The following ODF2 variants were observed in gnomAD, a reference collection of about 807,000 sequenced individuals.
The protein encoded by ODF2 is outer dense fiber protein 2.
A neutral mutation model predicts 110.2 loss-of-function variants in ODF2; 47 were observed. That is an observed-to-expected ratio of 0.43 (90% CI 0.34 to 0.54). The LOEUF is 0.54. ODF2 is among the 20% of genes least tolerant of loss of function. The pLI is 0.03. For missense variants in ODF2, 812 were observed against 1,054.5 expected (o/e 0.77, Z 3.19); for synonymous variants, 352 against 397.7 (o/e 0.89, Z 1.37).
exon 1 of ODF2, chr9:128,456,175 G>C: frequency 6.5e-7 from 1 of 1,549,392 alleles, no homozygotes; most frequent in Non-Finnish European, 8.7e-7. Flanking sequence ...ATCCGCCGCG[G>C]CGTCTCCATG....
chr9:128,473,535 A>C, intron 7 of ODF2, 75 bp from the exon 8 acceptor site: 1 of 1,581,392 alleles, frequency 6.3e-7, no homozygotes, highest in Non-Finnish European at 8.6e-7. Context: ...CTGGCACCAG[A>C]CCTCTTGAGT....
chr9:128,460,720 TA>T (rs1433292836), intron 3 of ODF2, 54 bp downstream of exon 3: 15 of 1,604,902 alleles, frequency 9.3e-6, no homozygotes, highest in Non-Finnish European at 1.1e-5. Flanking sequence ...GTGATCCTGC[TA>T]AGCCCAGCCT....
intron 8 of ODF2, among the ~76,000 whole-genome samples, chr9:128,476,320 C>T (rs528734975): frequency 3.9e-5 from 6 of 152,284 alleles, no homozygotes; most frequent in Admixed American, 3.3e-4. Flanking sequence ...GACCGAGTTT[C>T]ACTCTTGCCC....
At chr9:128,460,452 CT>C in intron 3 of ODF2, 97 bp from the exon 3 acceptor site, 2 of 1,540,816 alleles carry the variant, frequency 1.3e-6, no homozygotes, top group Non-Finnish European at 8.7e-7. Context: ...GGTGGCTAGG[CT>C]TTTTGGTGGC....
intron 4 of ODF2, 132 bp from the exon 5 acceptor site, chr9:128,469,051 T>G: frequency 1.4e-6 from 1 of 729,012 alleles, no homozygotes; most frequent in Non-Finnish European, 2.3e-6. Context: ...GTTCAGAGTA[T>G]GTTCTTCCTG....
chr9:128,459,588 C>T (rs770419793), exon 3 of ODF2: 13 of 1,613,768 alleles, frequency 8.1e-6, no homozygotes, highest in Middle Eastern at 1.6e-4. Context: ...GTGGGAAGAA[C>T]GGAGTAACGA....
At chr9:128,468,583 C>T (rs7022755) in intron 4 of ODF2, among the ~76,000 whole-genome samples, 1,788 of 151,886 alleles carry the variant, frequency 0.012, 32 homozygotes, top group African/African-American at 0.041. Context: ...AGTGCAATGG[C>T]GCAATCTTGG....
upstream of ODF2, chr9:128,455,931 C>A: frequency 7.2e-7 from 1 of 1,398,016 alleles, no homozygotes; most frequent in Non-Finnish European, 9.3e-7. Context: ...GGGGGCGAGA[C>A]CCGGCCAGGC....
intron 9 of ODF2, among the ~76,000 whole-genome samples, chr9:128,482,307 C>A (rs972191566): frequency 2.6e-5 from 4 of 152,192 alleles, no homozygotes; most frequent in African/African-American, 9.7e-5. Context: ...GCAGCAAGCT[C>A]GGCGATAATG....
chr9:128,471,340 C>T (rs750810370), exon 6 of ODF2: 1 of 1,612,074 alleles, frequency 6.2e-7, no homozygotes. Context: ...GCCAGATGGC[C>T]AAAAGGTTCC....
At chr9:128,481,748 C>G in intron 9 of ODF2, 97 bp downstream of exon 9, 2 of 944,420 alleles carry the variant, frequency 2.1e-6, no homozygotes, top group Non-Finnish European at 1.6e-6. Context: ...GGCAGGAGGG[C>G]TGGAGCATTT....
intron 4 of ODF2, among the ~76,000 whole-genome samples, chr9:128,466,282 G>A (rs1837865846): frequency 6.6e-6 from 1 of 151,886 alleles, no homozygotes; most frequent in South Asian, 2.1e-4. Context: ...CTTGGACAAT[G>A]TGACGAAACC....
At chr9:128,483,363 A>G (rs1364127614) in intron 10 of ODF2, among the ~76,000 whole-genome samples, 1 of 152,114 alleles carries the variant, frequency 6.6e-6, no homozygotes. Flanking sequence ...CATTGAGGCC[A>G]GGAGTTTGAG....
At chr9:128,458,873 CTCCCTCTG>C in intron 2 of ODF2, among the ~76,000 whole-genome samples, 1 of 151,952 alleles carries the variant, frequency 6.6e-6, no homozygotes, top group Admixed American at 6.6e-5. Context: ...GAAACGGGGT[CTCCCTCTG>C]CCACCTAGGC....
chr9:128,458,849 TTTG>T (rs769662952), intron 2 of ODF2, among the ~76,000 whole-genome samples: 28 of 152,178 alleles, frequency 1.8e-4, no homozygotes, highest in African/African-American at 6.5e-4. Context: ...TTTTTTCTTT[TTTG>T]TTGTTGTTTT....
intron 18 of ODF2, among the ~76,000 whole-genome samples, chr9:128,496,486 T>G (rs926295203): frequency 6.6e-6 from 1 of 152,212 alleles, no homozygotes; most frequent in Non-Finnish European, 1.5e-5. Context: ...CCCACTCTTT[T>G]CTGCCCTTTC....
At position 128,487,887 on chromosome 9, in the gene ODF2, C is replaced by T; in HGVS notation, c.1401-3C>T. On this transcript the variant is annotated splice_region_variant and splice_polypyrimidine_tract_variant and intron_variant, in intron 13 of 20. Coordinates refer to ENST00000604420, the Ensembl canonical transcript of ODF2. The stretch of plus-strand genomic sequence containing the variant: ...TGTCTGCTTTCACTTTGTGATCTTC[C>T]AGCCGGGTAACAGATCTTGTAAACC... 6.2e-7 allele frequency: 1 copy of T among 1,613,786 alleles called. No individual in the cohort carries two copies. Among genetic ancestry groups the T allele is most frequent in the South Asian group, 1.1e-5 (1 of 91,062 alleles).
At chr9:128,498,623 C>A in intron 19 of ODF2, 48 bp downstream of exon 19, 1 of 1,039,820 alleles carries the variant, frequency 9.6e-7, no homozygotes, top group South Asian at 1.5e-5. Context: ...TTGGGCAAAT[C>A]ACCTAAACTC....
chr9:128,492,557 G>C (rs564109703), intron 15 of ODF2, 21 bp downstream of exon 15: 1 of 1,583,744 alleles, frequency 6.3e-7, no homozygotes, highest in South Asian at 1.1e-5. Context: ...CTGGGGCCCT[G>C]GCCCTTCTGA....
Sources: allele counts gnomAD v4.1 joint callset (sites outside exome capture counted in the v4.1 genomes callset), GRCh38; gene constraint gnomAD v4.1.1; transcripts MANE v1.5; gene names NCBI Gene and HGNC (gene_info 2026-07-23, HGNC 2026-07-21).